SELENOM: variants seen among roughly 807,000 people sequenced by gnomAD.
SELENOM encodes the protein selenoprotein SelM.
SELENOM carries 17 observed loss-of-function variants against 14.5 expected under a neutral mutation model. The ratio of observed to expected loss-of-function variants is 1.17; its 90% CI spans 0.80 to 1.76. The LOEUF is 1.76. SELENOM is among the 40% of genes most tolerant of loss of function. The pLI, the probability that SELENOM is intolerant of heterozygous loss-of-function variation, is 0.00. For missense variants in SELENOM, 230 were observed against 204.6 expected (o/e 1.12, Z -0.76); for synonymous variants, 102 against 93.3 (o/e 1.09, Z -0.54).
At chr22:31,105,176 C>T in intron 4 of SELENOM, 32 bp downstream of exon 4, 3 of 1,613,128 alleles carry the variant, frequency 1.9e-6, no homozygotes, top group African/African-American at 2.7e-5. Flanking sequence ...TCGCCTCTGG[C>T]CTCGCCCCCA....
At chr22:31,105,334 G>C in intron 3 of SELENOM, 48 bp from the exon 4 acceptor site, 1 of 1,537,916 alleles carries the variant, frequency 6.5e-7, no homozygotes, top group Non-Finnish European at 8.9e-7. Flanking sequence ...GGAGGTGGTG[G>C]TTTCCGCAGC....
rs1439365460 is a variant in SELENOM at position 31,105,124 on chromosome 22, A to C, written c.284T>G (p.Ile95Ser). 6.2e-7 allele frequency: 1 copy of C among 1,613,458 alleles called. No individual in the cohort carries two copies. ...TTCGCGGGTCATTTCACTGAGTGGG[A>C]TGCGCTGAGGCGGAGGAGGGGCGGG... ...LGRRYEELER[I>S]PLSEMTREEI... The change falls in exon 5 of 5, where the codon ATC (isoleucine) becomes AGC (serine). Residue 95 changes from isoleucine to serine, a missense_variant. Transcript: ENST00000400299.
In SELENOM at chr22:31,107,439, C is replaced by CT; in HGVS notation, c.66dup (p.Ala23SerfsTer59). 6.3e-7 allele frequency: 1 copy of CT among 1,575,190 alleles called. No homozygotes were observed. The highest frequency in any genetic ancestry group is 8.6e-7 in the Non-Finnish European group (1 of 1,163,242). On this transcript the variant is annotated frameshift_variant, in exon 1 of 5. Coordinates refer to ENST00000400299, the MANE Select transcript of SELENOM (RefSeq NM_080430.4). LOFTEE classifies it high-confidence loss of function. Reference sequence around the variant, plus strand: ...CAGTCCGGCCGGTAGGCAGTGGCGGCTGTGGCTGGGGCCACAAGCGCCGCG... The same window carrying CT: ...CAGTCCGGCCGGTAGGCAGTGGCGGCTTGTGGCTGGGGCCACAAGCGCCGCG...
chr22:31,105,163 G>T (rs539879156), intron 4 of SELENOM, 35 bp from the exon 5 acceptor site: 1 of 1,613,148 alleles, frequency 6.2e-7, no homozygotes, highest in Admixed American at 1.7e-5. Context: ...AGCAGGCTGG[G>T]CCTCGCCTCT....
At chr22:31,106,179 G>T (rs371749694) in intron 1 of SELENOM, 3 of 602,466 alleles carry the variant, frequency 5.0e-6, no homozygotes, top group East Asian at 2.8e-5. Context: ...GACACCAGGG[G>T]AAAAGAGCAA....
intron 1 of SELENOM, 76 bp downstream of exon 1, chr22:31,107,301 C>T: frequency 7.4e-6 from 11 of 1,491,462 alleles, no homozygotes; most frequent in Non-Finnish European, 9.0e-6. Flanking sequence ...GGTCTTGGGG[C>T]CGGGACGGAC....
rs748513260 is a variant in SELENOM at position 31,105,011 on chromosome 22, C to T, written c.397G>A (p.Ala133Thr). Residue 133 changes from alanine (A) to threonine (T), a missense_variant, in exon 5 of 5, where the codon GCG (alanine) becomes ACG (threonine). Coordinates refer to ENST00000400299, the MANE Select transcript of SELENOM (RefSeq NM_080430.4). ...TCCGAAGTTTCCTCTGGGGGCTTCG[C>T]GGGCGCCCACACGTACTCGGGGGGC... is the stretch of plus-strand genomic sequence containing the variant. ...QVPPEYVWAP[A>T]KPPEETSDHA... 5.0e-6 allele frequency: 8 copies of T among 1,603,868 alleles called. No homozygotes were observed. In the African/African-American group the frequency reaches 1.1e-4, roughly 22 times the overall value.
At position 31,107,549 on chromosome 22, in the gene SELENOM, C is replaced by A; in HGVS notation, c.-44G>T. On this transcript the variant is annotated 5_prime_UTR_variant, in exon 1 of 5. Coordinates refer to ENST00000400299, the MANE Select transcript of SELENOM (RefSeq NM_080430.4). ...GATGCGCAAGCTGGAGGCGAACCTC[C>A]GAGTCGCTGCGCCACGTCTGGGCCC... 1 of 1,482,336 alleles carries A rather than the reference C, an allele frequency of 6.7e-7. No individual in the cohort carries two copies. 91.8% of individuals were successfully genotyped at this position (1,482,336 alleles called of 1,614,324 possible). A position where few individuals can be genotyped will look rare whatever the true frequency, so the allele number is the denominator to read the frequency against.
At position 31,104,940 on chromosome 22, in the gene SELENOM, G is replaced by T. The variant is rs750970302; in HGVS notation, c.*30C>A. On this transcript the variant is annotated 3_prime_UTR_variant, in exon 5 of 5. Coordinates refer to ENST00000400299, the MANE Select transcript of SELENOM (RefSeq NM_080430.4). ...CATTCTGTCTCCAGGACTCAGGCAG[G>T]TAGGTCCCAGCTCCGCCGCGCCCCC... is the stretch of plus-strand genomic sequence containing the variant. 6.5e-7 allele frequency: 1 copy of T among 1,530,000 alleles called. No homozygotes were observed. Among genetic ancestry groups the T allele is most frequent in the Non-Finnish European group, 8.8e-7 (1 of 1,142,370 alleles). 94.8% of individuals were successfully genotyped at this position (1,530,000 alleles called of 1,614,324 possible).
chr22:31,105,926 T>A lies in SELENOM; in HGVS notation c.165+4A>T. 6.2e-7 allele frequency: 1 copy of A among 1,613,950 alleles called. No homozygotes were observed. The highest frequency in any genetic ancestry group is 1.1e-5 in the South Asian group (1 of 91,072). ...GAGCTAGGGACCTCTTCCTTCAAACTCACCTCCTTTAGGCGGTTCAGCTGT... is the reference window on the plus strand; with the variant it reads ...GAGCTAGGGACCTCTTCCTTCAAACACACCTCCTTTAGGCGGTTCAGCTGT... On this transcript the variant is annotated splice_donor_region_variant and intron_variant, in intron 2 of 4. Coordinates refer to ENST00000400299, the MANE Select transcript of SELENOM (RefSeq NM_080430.4).
rs762587461 is a variant in SELENOM at position 31,105,680 on chromosome 22, C to T, written c.178G>A (p.Val60Ile). Residue 60 changes from valine (V) to isoleucine (I), a missense_variant, in exon 3 of 5, where the codon GTC becomes ATC. By Grantham distance (29) the Val-to-Ile change is conservative. Transcript: ENST00000400299. ...TACTAGAATGGAATGTCCTGCGTGA[C>T]GAAAGCCTTCACCTGGGGAGGAACC... ...LNRLKEVKAF[V>I]TQDIPFYHNL... The T allele has an allele frequency of 6.2e-7, 1 of 1,614,112 alleles. No homozygotes were observed. Among genetic ancestry groups the T allele is most frequent in the Non-Finnish European group, 8.5e-7 (1 of 1,179,982 alleles).
rs200522444 is a variant in SELENOM at position 31,105,259 on chromosome 22, A to G, written c.228T>C (p.Pro76=). 4.6e-4 allele frequency: 746 copies of G among 1,612,558 alleles called. No homozygotes were observed. Among genetic ancestry groups the G allele is most frequent in the Non-Finnish European group, 6.1e-4 (721 of 1,179,486 alleles). The stretch of plus-strand genomic sequence containing the variant: ...GCAGCACGAGCTCAGGGTCGGCCCC[A>G]GGGAGGTGTTTCATCACCAGGTTGT... The part of the protein sequence containing the change: ...FYHNLVMKHL[P]GADPELVLLG... The change falls in exon 4 of 5, where the codon CCT becomes CCC. Residue 76 remains proline, a synonymous_variant. Transcript: ENST00000400299.
At chr22:31,105,587 C>G (rs1474818435) in intron 3 of SELENOM, 71 bp downstream of exon 3, 7 of 1,474,562 alleles carry the variant, frequency 4.7e-6, no homozygotes, top group African/African-American at 1.4e-5. Flanking sequence ...ATCTGCCACC[C>G]CTTTCTGAAG....
In SELENOM at chr22:31,107,522, A is replaced by G. The variant is rs2044417381; in HGVS notation, c.-17T>C. 8 of 1,529,564 alleles carry G rather than the reference A, an allele frequency of 5.2e-6. No individual in the cohort carries two copies. The highest frequency in any genetic ancestry group is 7.0e-6 in the Non-Finnish European group (8 of 1,139,318). 94.7% of individuals were successfully genotyped at this position (1,529,564 alleles called of 1,614,324 possible). A position where few individuals can be genotyped will look rare whatever the true frequency, so the allele number is the denominator to read the frequency against. ...GAGGCTCATCGGGACCCGGCCGCAG[A>G]TGATGCGCAAGCTGGAGGCGAACCT... On this transcript the variant is annotated 5_prime_UTR_variant, in exon 1 of 5. Transcript: ENST00000400299.
Position 31,107,225 on chromosome 22 carries a change from G to C in SELENOM, c.129+152C>G, listed in dbSNP as rs1019649531. The C allele has an allele frequency of 2.0e-5, 20 of 992,956 alleles. No individual in the cohort carries two copies. In the African/African-American group the frequency reaches 2.6e-4, roughly 13 times the overall value. The allele number at this position is 992,956 out of a possible 1,614,324, so 61.5% of individuals were successfully genotyped here. On this transcript the variant is annotated intron_variant, in intron 1 of 4. Transcript: ENST00000400299. ...CCACGGTGGATGCTGGGGCCATCTGGGGCTAGGGAACAGGAGGGATGGTCC... is the reference window on the plus strand; with the variant it reads ...CCACGGTGGATGCTGGGGCCATCTGCGGCTAGGGAACAGGAGGGATGGTCC...
rs2044375007 is a variant in SELENOM, at chr22:31,104,954, C to T, written c.*16G>A. On this transcript the variant is annotated 3_prime_UTR_variant, in exon 5 of 5. Transcript: ENST00000400299. ...GACTCAGGCAGGTAGGTCCCAGCTCCGCCGCGCCCCCGGACCTACAGGTCA... is the reference window on the plus strand; with the variant it reads ...GACTCAGGCAGGTAGGTCCCAGCTCTGCCGCGCCCCCGGACCTACAGGTCA... 2 of 1,543,392 alleles carry T rather than the reference C, an allele frequency of 1.3e-6. No individual in the cohort carries two copies. Among genetic ancestry groups the T allele is most frequent in the East Asian group, 2.3e-5 (1 of 44,100 alleles).
chr22:31,105,205 C>T lies in SELENOM; in HGVS notation c.279+3G>A. ...GCCCCCAGCCCACCTCCCACGGCCT[C>T]ACCTCTAGTTCCTCGTAGCGGCGGC... On this transcript the variant is annotated splice_donor_region_variant and intron_variant, in intron 4 of 4. Transcript: ENST00000400299. The T allele has an allele frequency of 6.2e-7, 1 of 1,613,484 alleles. No individual in the cohort carries two copies.
In SELENOM at chr22:31,104,861, G is replaced by C. The variant is rs967525787; in HGVS notation, c.*109C>G. On this transcript the variant is annotated 3_prime_UTR_variant, in exon 5 of 5. Transcript: ENST00000400299. ...TCCCCAACCCCATCCCTGCTGGCCC[G>C]GGGACGGGCATCGGCTCTCAGCAAG... 6 of 1,266,032 alleles carry C rather than the reference G, an allele frequency of 4.7e-6. No homozygotes were observed. Among genetic ancestry groups the C allele is most frequent in the Admixed American group, 3.0e-5 (1 of 33,028 alleles). 78.4% of individuals were successfully genotyped at this position (1,266,032 alleles called of 1,614,324 possible).
intron 1 of SELENOM, 165 bp downstream of exon 1, chr22:31,107,211 GC>G: frequency 1.2e-6 from 1 of 860,742 alleles, no homozygotes; most frequent in Non-Finnish European, 1.7e-6. Flanking sequence ...CACGGTGGAT[GC>G]TGGGGCCATC....
Sources: gnomAD v4.1 joint callset for allele counts on GRCh38, gnomAD v4.1.1 for gene constraint, MANE v1.5 for transcripts, NCBI Gene and HGNC (gene_info 2026-07-23, HGNC 2026-07-21) for gene names.